Variants in MYO16 observed in about 807,000 individuals in gnomAD.
The protein encoded by MYO16 is unconventional myosin-XVI.
A neutral mutation model predicts 205.3 loss-of-function variants in MYO16; 94 were observed. The observed-to-expected ratio is 0.46, with a 90% CI of 0.39 to 0.54. MYO16 has a LOEUF of 0.54. MYO16 is among the 20% of genes least tolerant of loss of function. The pLI is 0.00. For missense variants in MYO16, 2,315 were observed against 2,387.5 expected, an observed-to-expected ratio of 0.97 and a Z score of 0.63; for synonymous variants, 988 against 954.0, an observed-to-expected ratio of 1.04 and a Z score of -0.66.
intron 2 of MYO16, among the ~76,000 whole-genome samples, chr13:108,703,074 C>T (rs1479145509): frequency 6.6e-6 from 1 of 151,986 alleles, no homozygotes; most frequent in Non-Finnish European, 1.5e-5. Flanking sequence ...AGGCATAAAT[C>T]CTACTTTATC....
Position 109,189,420 on chromosome 13 carries a change from G to C in MYO16, c.5415+9787G>C, listed in dbSNP as rs1421973766. ...ACGTGTTTTTCTGATTGTCCCTGCTGTTTTCATTCTTCTGTTTCCTTATGA... is the reference window on the plus strand; with the variant it reads ...ACGTGTTTTTCTGATTGTCCCTGCTCTTTTCATTCTTCTGTTTCCTTATGA... On this transcript the variant is annotated intron_variant, in intron 34 of 34. Transcript: ENST00000457511. Among the ~76,000 whole-genome samples, 8 of 152,292 alleles carry C rather than the reference G, an allele frequency of 5.3e-5. No homozygotes were observed. In the South Asian group the frequency reaches 1.2e-3, roughly 24 times the overall value.
rs370253117 is a variant in MYO16, at chr13:109,047,036, G to A, written c.2872+45G>A. On this transcript the variant is annotated intron_variant, in intron 24 of 34. Coordinates refer to ENST00000457511, the MANE Select transcript of MYO16 (RefSeq NM_001198950.3). ...TGCCCTACACTGGTTAAAATGCCATGCATCCGTTATTTCTTTATCTCTGAA... is the reference window on the plus strand; with the variant it reads ...TGCCCTACACTGGTTAAAATGCCATACATCCGTTATTTCTTTATCTCTGAA... 63 of 1,335,234 alleles carry A rather than the reference G, an allele frequency of 4.7e-5. 1 individual carries two copies. In the East Asian group the frequency reaches 5.8e-4, roughly 12 times the overall value. The allele number at this position is 1,335,234 out of a possible 1,614,324, so 82.7% of individuals were successfully genotyped here.
chr13:109,019,815 C>T lies in MYO16; in HGVS notation c.2700C>T (p.Asn900=). 1 of 1,614,092 alleles carries T rather than the reference C, an allele frequency of 6.2e-7. No homozygotes were observed. Among genetic ancestry groups the T allele is most frequent in the Non-Finnish European group, 8.5e-7 (1 of 1,179,978 alleles). Residue 900 remains asparagine (N), a synonymous_variant, in exon 23 of 35, where the codon AAC becomes AAT. Transcript: ENST00000457511. ...TACAAAGTCTCCTAGAATCCTCAAA[C>T]ACAAATGCGGTGTACTCCCCCATGA... is the stretch of plus-strand genomic sequence containing the variant. ...KKLQSLLESS[N]TNAVYSPMKD... is the part of the protein sequence containing the mutation.
At chr13:108,835,070 A>G (rs895459374) in intron 9 of MYO16, among the ~76,000 whole-genome samples, 6 of 147,272 alleles carry the variant, frequency 4.1e-5, no homozygotes, top group African/African-American at 1.5e-4. Flanking sequence ...GCCTTTCAAA[A>G]CAAGTATATT....
intron 6 of MYO16, among the ~76,000 whole-genome samples, chr13:108,796,250 T>A (rs1387573875): frequency 6.6e-6 from 1 of 152,180 alleles, no homozygotes; most frequent in East Asian, 1.9e-4. Flanking sequence ...TGTTAAGAAC[T>A]GACTGAACAG....
chr13:108,543,777 A>C, the MYO16 span, among the ~76,000 whole-genome samples: 3 of 135,164 alleles, frequency 2.2e-5, no homozygotes, highest in Non-Finnish European at 4.6e-5. Flanking sequence ...CTTAAAGAGC[A>C]TGATAAGGCT....
chr13:108,550,868 G>A, the MYO16 span, among the ~76,000 whole-genome samples: 1 of 152,054 alleles, frequency 6.6e-6, no homozygotes, highest in Middle Eastern at 3.2e-3. Context: ...TTGACAGTGT[G>A]TCTTAAAAAG....
At chr13:108,927,780 C>T (rs142441827) in intron 16 of MYO16, among the ~76,000 whole-genome samples, 69 of 152,248 alleles carry the variant, frequency 4.5e-4, no homozygotes, top group Non-Finnish European at 7.4e-4. Context: ...GACAGTTCCA[C>T]GAGGCAGGCG....
the MYO16 span, among the ~76,000 whole-genome samples, chr13:108,574,581 T>A: frequency 2.0e-5 from 3 of 152,148 alleles, no homozygotes; most frequent in Non-Finnish European, 2.9e-5. Context: ...CTTAAAATGT[T>A]CAGTGTCTGA....
At chr13:108,530,898 C>G in the MYO16 span, among the ~76,000 whole-genome samples, 1 of 151,846 alleles carries the variant, frequency 6.6e-6, no homozygotes, top group East Asian at 1.9e-4. Context: ...GAAATCTTGT[C>G]AATGTTTTCT....
At chr13:108,631,430 G>A (rs964314731) in intron 1 of MYO16, among the ~76,000 whole-genome samples, 5 of 152,064 alleles carry the variant, frequency 3.3e-5, no homozygotes, top group East Asian at 1.9e-4. Context: ...GTAGAATTTC[G>A]GAAAATTGTA....
intron 2 of MYO16, among the ~76,000 whole-genome samples, chr13:108,676,277 T>C (rs1248651722): frequency 2.0e-5 from 3 of 151,988 alleles, no homozygotes; most frequent in Non-Finnish European, 2.9e-5. Context: ...ATAGCACCTT[T>C]GGAAATGTAT....
intron 1 of MYO16, among the ~76,000 whole-genome samples, chr13:108,655,969 A>T (rs540511350): frequency 1.3e-5 from 2 of 152,216 alleles, no homozygotes; most frequent in East Asian, 3.9e-4. Context: ...GGCATAAGGG[A>T]CTTGCCTTGT....
chr13:109,055,280 AAATG>A lies in MYO16; in HGVS notation c.3130-109_3130-106del. On this transcript the variant is annotated intron_variant, in intron 26 of 34. Transcript: ENST00000457511. This position sits in a 1 kb window ranked among gnomAD's most constrained non-coding sequence, Gnocchi z 5.0. ...ACACACACACACACACACACAGAGT[AAATG>A]CATAATGAGATTTAAAGACGTAAAG... The A allele has an allele frequency of 1.1e-6, 1 of 941,460 alleles. No homozygotes were observed. The highest frequency in any genetic ancestry group is 1.6e-6 in the Non-Finnish European group (1 of 624,112). The allele number at this position is 941,460 out of a possible 1,614,324, so 58.3% of individuals were successfully genotyped here. A position where few individuals can be genotyped will look rare whatever the true frequency, so the allele number is the denominator to read the frequency against.
At chr13:108,898,657 A>G (rs1467804322) in intron 15 of MYO16, among the ~76,000 whole-genome samples, 1 of 152,142 alleles carries the variant, frequency 6.6e-6, no homozygotes, top group African/African-American at 2.4e-5. Context: ...GAATCCATAT[A>G]GTTAAATGAC....
chr13:108,693,930 A>G (rs1475221638), intron 2 of MYO16, among the ~76,000 whole-genome samples: 1 of 152,092 alleles, frequency 6.6e-6, no homozygotes, highest in African/African-American at 2.4e-5. Context: ...CTCATCATTT[A>G]GCTCCCAGTT....
intron 28 of MYO16, among the ~76,000 whole-genome samples, chr13:109,112,484 G>GGT (rs1889320397): frequency 6.6e-6 from 1 of 152,146 alleles, no homozygotes. Context: ...GGCCGGGCAT[G>GGT]GTGGCTCATG....
intron 30 of MYO16, among the ~76,000 whole-genome samples, chr13:109,126,477 C>A (rs187918719): frequency 1.2e-4 from 18 of 152,190 alleles, no homozygotes; most frequent in Admixed American, 2.6e-4. Context: ...CGTTGACATG[C>A]GAAGCCAGAA....
chr13:108,593,160 G>A (rs899136175), upstream of MYO16, among the ~76,000 whole-genome samples: 1 of 152,066 alleles, frequency 6.6e-6, no homozygotes, highest in Non-Finnish European at 1.5e-5. Flanking sequence ...GTGAAGCGGG[G>A]GTGAATATCA....
Sources: allele counts gnomAD v4.1 joint callset (sites outside exome capture counted in the v4.1 genomes callset), GRCh38; gene constraint gnomAD v4.1.1; non-coding constraint Gnocchi (gnomAD v3.1); transcripts MANE v1.5; gene names NCBI Gene and HGNC (gene_info 2026-07-23, HGNC 2026-07-21).